EHMT1: variants seen among roughly 807,000 people sequenced by gnomAD.
The protein encoded by EHMT1 is histone-lysine N-methyltransferase EHMT1.
Under a neutral mutation model 147.2 loss-of-function variants are expected in EHMT1, and 15 were observed. The observed-to-expected ratio is 0.10, with a 90% CI of 0.07 to 0.16. The LOEUF is 0.16. Ranked by LOEUF, EHMT1 falls within the 10% of genes least tolerant of loss-of-function variation. The pLI, the probability that EHMT1 is intolerant of heterozygous loss-of-function variation, is 1.00. For synonymous variants in EHMT1, 795 were observed against 709.6 expected, an observed-to-expected ratio of 1.12 and a Z score of -1.91; for missense variants, 1,587 against 1,772.4, an observed-to-expected ratio of 0.90 and a Z score of 1.88.
chr9:137,734,960 G>C (rs980214371), intron 4 of EHMT1, among the ~76,000 whole-genome samples: 2 of 152,238 alleles, frequency 1.3e-5, no homozygotes, highest in African/African-American at 4.8e-5. Flanking sequence ...AGCCTAGCAG[G>C]TTGAAAAGAA....
At chr9:137,660,954 A>G (rs556376688) in intron 1 of EHMT1, among the ~76,000 whole-genome samples, 1 of 152,350 alleles carries the variant, frequency 6.6e-6, no homozygotes, top group Admixed American at 6.5e-5. Flanking sequence ...ACTTTGTAGA[A>G]CATATAATAG....
intron 1 of EHMT1, among the ~76,000 whole-genome samples, chr9:137,695,930 A>G (rs1370807550): frequency 6.6e-6 from 1 of 152,210 alleles, no homozygotes; most frequent in African/African-American, 2.4e-5. Flanking sequence ...GCCATAGCCG[A>G]AAGAACTGGA....
At position 137,731,288 on chromosome 9, in the gene EHMT1, T is replaced by A. The variant is rs1318848147; in HGVS notation, c.823+2759T>A. Among the ~76,000 whole-genome samples the A allele has an allele frequency of 6.6e-6, 1 of 152,180 alleles. No individual in the cohort carries two copies. The highest frequency in any genetic ancestry group is 2.4e-5 in the African/African-American group (1 of 41,438). ...TAGCTGCCTGCTGTGGTCCAGTGGT[T>A]AAGATACTCCCTCAGCCTCAGCTGC... On this transcript the variant is annotated intron_variant, in intron 4 of 26. Transcript: ENST00000460843. The surrounding 1 kb of genome is among the most constrained non-coding windows in gnomAD (Gnocchi z 4.3).
chr9:137,752,594 G>A (rs1177961277), intron 7 of EHMT1, among the ~76,000 whole-genome samples, 186 bp downstream of exon 7: 1 of 152,222 alleles, frequency 6.6e-6, no homozygotes, highest in Non-Finnish European at 1.5e-5. Context: ...AAGACACCGT[G>A]CAGAGTTGCA....
chr9:137,834,852 T>TCCCC lies in EHMT1; in HGVS notation c.3797_3798insCCCC (p.Ser1267ProfsTer53). 1 of 1,612,052 alleles carries TCCCC rather than the reference T, an allele frequency of 6.2e-7. No individual in the cohort carries two copies. Among genetic ancestry groups the TCCCC allele is most frequent in the Non-Finnish European group, 8.5e-7 (1 of 1,179,566 alleles). ...CTGCGGCTCCCCCAAGTGCCGGCAC[T>TCCCC]CGAGCGCGGCCCTGGCCCAGCGTCA... On this transcript the variant is annotated frameshift_variant, in exon 27 of 27. Transcript: ENST00000460843. LOFTEE classifies it high-confidence loss of function.
chr9:137,728,334 G>A lies in EHMT1; in HGVS notation c.643-15G>A. 6 of 1,614,214 alleles carry A rather than the reference G, an allele frequency of 3.7e-6. No homozygotes were observed. The highest frequency in any genetic ancestry group is 5.1e-6 in the Non-Finnish European group (6 of 1,180,042). On this transcript the variant is annotated splice_polypyrimidine_tract_variant and intron_variant, in intron 3 of 26. Transcript: ENST00000460843. The stretch of plus-strand genomic sequence containing the variant: ...GCTTATGCAGTTATAGTTATTCACT[G>A]TCTTTGTTTTGAAGCATGCAGCCAG...
chr9:137,702,994 T>C (rs566216131), intron 1 of EHMT1, among the ~76,000 whole-genome samples: 1 of 152,358 alleles, frequency 6.6e-6, no homozygotes, highest in South Asian at 2.1e-4. Context: ...GCCTTAACTC[T>C]TGCCCTGTGT....
At chr9:137,642,832 G>T (rs1443510720) in intron 1 of EHMT1, among the ~76,000 whole-genome samples, 1 of 152,158 alleles carries the variant, frequency 6.6e-6, no homozygotes, top group Non-Finnish European at 1.5e-5. Context: ...TTATGTAGCT[G>T]CTTTTATACT....
intron 1 of EHMT1, among the ~76,000 whole-genome samples, chr9:137,628,189 G>A (rs1843390488): frequency 6.6e-6 from 1 of 152,174 alleles, no homozygotes; most frequent in Non-Finnish European, 1.5e-5. Context: ...GTTTTCTGGG[G>A]TCAGTCTGCC....
chr9:137,754,042 A>G, intron 7 of EHMT1, 129 bp from the exon 8 acceptor site: 4 of 1,490,848 alleles, frequency 2.7e-6, no homozygotes, highest in Non-Finnish European at 2.8e-6. Flanking sequence ...CTACAAGTTA[A>G]GTTCACCGTT....
rs538036480 is a variant in EHMT1, at chr9:137,811,384, T to C, written c.2713-77T>C. 3.8e-5 allele frequency: 61 copies of C among 1,598,656 alleles called. No homozygotes were observed. The East Asian group carries it at 1.2e-3, about 32-fold the overall frequency. On this transcript the variant is annotated intron_variant, in intron 18 of 26. Coordinates refer to ENST00000460843, the MANE Select transcript of EHMT1 (RefSeq NM_024757.5). ...AGAGCCTCTCCCCGGGCACATGGGCTGCAGCTGCTGTGGCCCAGCCCCAGC... is the reference window on the plus strand; with the variant it reads ...AGAGCCTCTCCCCGGGCACATGGGCCGCAGCTGCTGTGGCCCAGCCCCAGC...
chr9:137,620,053 C>G (rs1842858405), intron 1 of EHMT1: 1 of 152,184 alleles, frequency 6.6e-6, no homozygotes, highest in African/African-American at 2.4e-5. Context: ...AGACTTAACA[C>G]TGTATTTTAA....
intron 1 of EHMT1, among the ~76,000 whole-genome samples, chr9:137,703,999 T>C (rs933070608): frequency 2.6e-5 from 4 of 151,990 alleles, no homozygotes; most frequent in African/African-American, 9.7e-5. Flanking sequence ...TTAGCAATCA[T>C]GGCGGGAGGG....
At chr9:137,814,322 G>T in intron 21 of EHMT1, 109 bp from the exon 22 acceptor site, 1 of 1,204,454 alleles carries the variant, frequency 8.3e-7, no homozygotes. Flanking sequence ...CCTTTGAGAA[G>T]CACTTACCAG....
chr9:137,700,857 C>T (rs1943766604), intron 1 of EHMT1, among the ~76,000 whole-genome samples: 1 of 152,116 alleles, frequency 6.6e-6, no homozygotes, highest in African/African-American at 2.4e-5. Context: ...GGCTCGTTCT[C>T]ACACTGCTAT....
At chr9:137,812,404 T>G (rs1164490524) in intron 19 of EHMT1, among the ~76,000 whole-genome samples, 2 of 152,242 alleles carry the variant, frequency 1.3e-5, no homozygotes, top group East Asian at 1.9e-4. Context: ...ACACTCAGGT[T>G]GTTGTTGGTG....
intron 25 of EHMT1, among the ~76,000 whole-genome samples, chr9:137,822,780 T>C (rs981855634): frequency 1.1e-4 from 16 of 151,790 alleles, no homozygotes; most frequent in African/African-American, 3.1e-4. Context: ...GTAATCCCAG[T>C]TACTCGGGAG....
intron 2 of EHMT1, among the ~76,000 whole-genome samples, chr9:137,713,263 A>AT (rs59459382): frequency 0.28 from 29,012 of 101,886 alleles, 5,044 homozygotes; most frequent in Admixed American, 0.37. Context: ...CACCATGCTA[A>AT]TTTTTTTTTT....
At chr9:137,666,674 C>T (rs1939691329) in intron 1 of EHMT1, among the ~76,000 whole-genome samples, 1 of 152,226 alleles carries the variant, frequency 6.6e-6, no homozygotes, top group Non-Finnish European at 1.5e-5. Context: ...CAGAGCCTCC[C>T]CCTCGGAGCC....
Sources: gnomAD v4.1 joint callset for allele counts (sites outside exome capture counted in the v4.1 genomes callset) on GRCh38, gnomAD v4.1.1 for gene constraint, Gnocchi (gnomAD v3.1) non-coding constraint, MANE v1.5 for transcripts, NCBI Gene and HGNC (gene_info 2026-07-23, HGNC 2026-07-21) for gene names.